SPON1: variants seen among roughly 807,000 people sequenced by gnomAD.
The protein encoded by SPON1 is spondin 1, also known as spondin-1.
SPON1 carries 52 observed loss-of-function variants against 111.7 expected under a neutral mutation model. That is an observed-to-expected ratio of 0.47 (90% CI 0.37 to 0.59). SPON1 has a LOEUF of 0.59. SPON1 is among the 20% of genes least tolerant of loss of function. The pLI is 0.00. For synonymous variants in SPON1, 410 were observed against 395.8 expected, an observed-to-expected ratio of 1.04 and a Z score of -0.43; for missense variants, 957 against 1,068.5, an observed-to-expected ratio of 0.90 and a Z score of 1.46.
At position 14,231,312 on chromosome 11, in the gene SPON1, T is replaced by A. The variant is rs532511961; in HGVS notation, c.826-12020T>A. ...CCACGCCTGGCTAATTTTTTGTATT[T>A]TTAGTAGAGACAGGGTTTTACCGTG... is the stretch of plus-strand genomic sequence containing the variant. On this transcript the variant is annotated intron_variant, in intron 6 of 15. Transcript: ENST00000576479. 1.4e-4 allele frequency among the ~76,000 whole-genome samples: 22 copies of A among 152,034 alleles called. 2 individuals carry two copies. In the South Asian group the frequency reaches 4.4e-3, roughly 30 times the overall value.
intron 6 of SPON1, among the ~76,000 whole-genome samples, chr11:14,191,249 G>A (rs556032493): frequency 3.4e-4 from 52 of 152,342 alleles, no homozygotes; most frequent in Middle Eastern, 3.4e-3. Context: ...CCACGGCAGT[G>A]ATGGAAGGTG....
At chr11:14,175,029 G>T (rs1848158445) in intron 6 of SPON1, among the ~76,000 whole-genome samples, 2 of 122,096 alleles carry the variant, frequency 1.6e-5, no homozygotes, top group South Asian at 6.0e-4. Flanking sequence ...GAAATCAGAA[G>T]ATAACCATGG....
intron 1 of SPON1, among the ~76,000 whole-genome samples, chr11:13,973,960 C>T (rs1848083001): frequency 6.6e-6 from 1 of 152,184 alleles, no homozygotes; most frequent in Admixed American, 6.5e-5. Context: ...GCTGAGAGCA[C>T]TGGCTGAAGA....
intron 7 of SPON1, among the ~76,000 whole-genome samples, chr11:14,250,112 C>T (rs1554940554): frequency 6.6e-6 from 1 of 152,170 alleles, no homozygotes; most frequent in Non-Finnish European, 1.5e-5. Flanking sequence ...TGGATTAACT[C>T]TGTAGATAAT....
intron 5 of SPON1, among the ~76,000 whole-genome samples, chr11:14,088,629 G>A (rs1333586704): frequency 2.1e-5 from 3 of 145,476 alleles, no homozygotes; most frequent in South Asian, 2.1e-4. Flanking sequence ...TCTTCTCGGG[G>A]AGTATCATTG....
intron 2 of SPON1, among the ~76,000 whole-genome samples, chr11:13,990,231 G>A (rs1485807023): frequency 6.6e-6 from 1 of 152,094 alleles, no homozygotes; most frequent in African/African-American, 2.4e-5. Context: ...GAGTGCTCCT[G>A]TATTGGGTGC....
chr11:14,147,396 T>TA (rs1847734453), intron 6 of SPON1, among the ~76,000 whole-genome samples: 2 of 151,784 alleles, frequency 1.3e-5, no homozygotes, highest in Non-Finnish European at 2.9e-5. Flanking sequence ...CCGGAGATCA[T>TA]AAAAGGTTAA....
At chr11:14,086,795 A>T (rs1322012935) in intron 5 of SPON1, among the ~76,000 whole-genome samples, 2 of 152,134 alleles carry the variant, frequency 1.3e-5, no homozygotes, top group Non-Finnish European at 2.9e-5. Flanking sequence ...TTTGGTTGGT[A>T]GGCTATTAAT....
At chr11:14,157,596 G>A (rs1554930507) in intron 6 of SPON1, among the ~76,000 whole-genome samples, 1 of 151,994 alleles carries the variant, frequency 6.6e-6, no homozygotes, top group Non-Finnish European at 1.5e-5. Context: ...GGAAAATTCT[G>A]GCCCTTATTT....
At chr11:13,992,567 C>A (rs1353996741) in intron 2 of SPON1, among the ~76,000 whole-genome samples, 6 of 152,096 alleles carry the variant, frequency 3.9e-5, no homozygotes, top group Non-Finnish European at 5.9e-5. Context: ...GGGGGGTGAA[C>A]GGTTCTGTCT....
intron 2 of SPON1, among the ~76,000 whole-genome samples, chr11:14,018,568 A>G (rs576943704): frequency 6.6e-6 from 1 of 152,296 alleles, no homozygotes; most frequent in East Asian, 1.9e-4. Flanking sequence ...TGGAGTTGAC[A>G]TGGATGAGAA....
At chr11:14,175,267 GACTA>G (rs1280879439) in intron 6 of SPON1, among the ~76,000 whole-genome samples, 5 of 152,178 alleles carry the variant, frequency 3.3e-5, no homozygotes, top group Non-Finnish European at 5.9e-5. Context: ...AAATTTTTAG[GACTA>G]ACTATGACAA....
intron 6 of SPON1, among the ~76,000 whole-genome samples, chr11:14,193,043 G>A (rs189183788): frequency 3.4e-4 from 51 of 152,236 alleles, no homozygotes; most frequent in Middle Eastern, 3.4e-3. Context: ...TTACAACACA[G>A]AAAAGACAGT....
chr11:14,088,409 G>A (rs1293591857), intron 5 of SPON1, among the ~76,000 whole-genome samples: 1 of 152,172 alleles, frequency 6.6e-6, no homozygotes, highest in Non-Finnish European at 1.5e-5. Flanking sequence ...GGCTAGATAT[G>A]AAATTCTGGG....
chr11:14,090,943 G>A (rs191611747), intron 5 of SPON1, among the ~76,000 whole-genome samples: 1 of 149,122 alleles, frequency 6.7e-6, no homozygotes, highest in Non-Finnish European at 1.5e-5. Context: ...GGTTCTCCAC[G>A]TCCCCATCAG....
rs566579926 is a variant in SPON1 at position 14,170,382 on chromosome 11, C to A, written c.825+34814C>A. On this transcript the variant is annotated intron_variant, in intron 6 of 15. Coordinates refer to ENST00000576479, the MANE Select transcript of SPON1 (RefSeq NM_006108.4). ...CTTTGCTGAAGTTGCTTATCAGCTTCAGGAGATTTTGGGCTGAGAAGGTGG... is the reference window on the plus strand; with the variant it reads ...CTTTGCTGAAGTTGCTTATCAGCTTAAGGAGATTTTGGGCTGAGAAGGTGG... Among the ~76,000 whole-genome samples, 56 of 152,242 alleles carry A rather than the reference C, an allele frequency of 3.7e-4. 1 individual carries two copies. The highest frequency in any genetic ancestry group is 5.1e-4 in the African/African-American group (21 of 41,520).
At position 14,265,945 on chromosome 11, in the gene SPON1, C is replaced by T. The variant is rs1554942453; in HGVS notation, c.*258C>T. 2.8e-6 allele frequency: 1 copy of T among 353,458 alleles called. No individual in the cohort carries two copies. Among genetic ancestry groups the T allele is most frequent in the African/African-American group, 2.1e-5 (1 of 48,022 alleles). 21.9% of individuals were successfully genotyped at this position (353,458 alleles called of 1,614,324 possible). ...TCAGCCACCTTGTACTAAGCTGAAA[C>T]ATGTCCCTCTGGAGCTTCCACCTGG... is the stretch of plus-strand genomic sequence containing the variant. On this transcript the variant is annotated 3_prime_UTR_variant, in exon 16 of 16. Transcript: ENST00000576479.
intron 1 of SPON1, among the ~76,000 whole-genome samples, chr11:13,967,680 A>G (rs1848029151): frequency 6.6e-6 from 1 of 152,236 alleles, no homozygotes; most frequent in Non-Finnish European, 1.5e-5. Context: ...GGTCTTTTAA[A>G]TAAACTATTT....
chr11:14,021,199 C>T (rs1275597606), intron 2 of SPON1, among the ~76,000 whole-genome samples: 1 of 151,912 alleles, frequency 6.6e-6, no homozygotes, highest in African/African-American at 2.4e-5. Flanking sequence ...AATTATAAGC[C>T]ACAGGAGGGA....
Sources: gnomAD v4.1 joint callset for allele counts (sites outside exome capture counted in the v4.1 genomes callset) on GRCh38, gnomAD v4.1.1 for gene constraint, MANE v1.5 for transcripts, NCBI Gene and HGNC (gene_info 2026-07-23, HGNC 2026-07-21) for gene names.